The following PLCH1 variants were observed in gnomAD, a reference collection of about 807,000 sequenced individuals.
PLCH1 encodes phospholipase C eta 1.
Under a neutral mutation model 126.7 loss-of-function variants are expected in PLCH1, and 60 were observed. The ratio of observed to expected loss-of-function variants is 0.47; its 90% CI spans 0.38 to 0.59. PLCH1 has a LOEUF of 0.59. PLCH1 is among the 20% of genes least tolerant of loss of function. The probability of loss-of-function intolerance (pLI) is 0.00; values close to 1 mark genes in which losing one functional copy is unlikely to be tolerated. For missense variants in PLCH1, 1,723 were observed against 2,040.0 expected, an observed-to-expected ratio of 0.84 and a Z score of 2.99; for synonymous variants, 719 against 734.9, an observed-to-expected ratio of 0.98 and a Z score of 0.35.
At chr3:155,606,861 A>G (rs1734433633) in intron 2 of PLCH1, among the ~76,000 whole-genome samples, 1 of 152,206 alleles carries the variant, frequency 6.6e-6, no homozygotes, top group African/African-American at 2.4e-5. Flanking sequence ...TATAAATGGG[A>G]TCTTTAATCC....
intron 6 of PLCH1, among the ~76,000 whole-genome samples, chr3:155,582,075 C>CTTTTTTT (rs869254665): frequency 7.2e-4 from 46 of 64,096 alleles, no homozygotes; most frequent in Non-Finnish European, 7.9e-4. Context: ...TCTTTTCTTT[C>CTTTTTTT]TTTTTTTTTT....
intron 1 of PLCH1, among the ~76,000 whole-genome samples, chr3:155,715,430 G>A (rs1429464362): frequency 3.3e-5 from 5 of 151,532 alleles, no homozygotes; most frequent in African/African-American, 4.9e-5. Flanking sequence ...TCAGCCTCCC[G>A]AGTAGCTGGG....
At chr3:155,685,622 TAAC>T (rs1744875829) in intron 2 of PLCH1, among the ~76,000 whole-genome samples, 1 of 152,136 alleles carries the variant, frequency 6.6e-6, no homozygotes, top group African/African-American at 2.4e-5. Flanking sequence ...ACCAGTAACT[TAAC>T]AATCCAAGCC....
rs768506751 is a variant in PLCH1, at chr3:155,488,092, T to G, written c.2555A>C (p.Tyr852Ser). Reference protein sequence around the residue: ...SSLVPGYRHVYLEGLTEASIF... With the variant: ...SSLVPGYRHVSLEGLTEASIF... ...GGATGCTTCTGTCAGTCCTTCCAAA[T>G]AGACATGCCGGTAGCCTGATAAAAG... Residue 852 changes from tyrosine (Y) to serine (S), a missense_variant, in exon 21 of 23, where the codon TAT becomes TCT. Coordinates refer to ENST00000460012, the MANE Select transcript of PLCH1 (RefSeq NM_014996.4). The G allele has an allele frequency of 6.2e-7, 1 of 1,606,768 alleles. No homozygotes were observed. The highest frequency in any genetic ancestry group is 1.1e-5 in the South Asian group (1 of 90,922).
At chr3:155,487,909 T>TA (rs1715511225) in intron 21 of PLCH1, 119 bp downstream of exon 21, 1 of 659,330 alleles carries the variant, frequency 1.5e-6, no homozygotes, top group Middle Eastern at 4.0e-4. Context: ...TGGGCCTCCT[T>TA]AGAGTTTTTG....
At chr3:155,474,742 C>T (rs1299685261) in intron 21 of PLCH1, among the ~76,000 whole-genome samples, 2 of 115,312 alleles carry the variant, frequency 1.7e-5, no homozygotes, top group Non-Finnish European at 3.4e-5. Flanking sequence ...GAATACTATG[C>T]AGCCATAAAA....
At chr3:155,595,372 C>A (rs1732848881) in intron 3 of PLCH1, among the ~76,000 whole-genome samples, 1 of 152,200 alleles carries the variant, frequency 6.6e-6, no homozygotes, top group African/African-American at 2.4e-5. Flanking sequence ...TTTATATACA[C>A]CATCTACCCC....
At chr3:155,740,406 C>CA (rs60626575) in intron 1 of PLCH1, among the ~76,000 whole-genome samples, 4,451 of 101,938 alleles carry the variant, frequency 0.044, 86 homozygotes, top group Non-Finnish European at 0.055. Flanking sequence ...GACTCTGTCT[C>CA]AAAAAAAAAA....
intron 2 of PLCH1, among the ~76,000 whole-genome samples, chr3:155,627,484 A>G (rs1737454800): frequency 7.2e-6 from 1 of 138,332 alleles, no homozygotes; most frequent in East Asian, 2.3e-4. Context: ...CAAAAAAAAA[A>G]TTAGCCCGGC....
In PLCH1 at chr3:155,526,875, G is replaced by A. The variant is rs980625225; in HGVS notation, c.1363-2871C>T. Among the ~76,000 whole-genome samples the A allele has an allele frequency of 5.9e-5, 9 of 152,144 alleles. 1 individual carries two copies. The highest frequency in any genetic ancestry group is 1.0e-4 in the Non-Finnish European group (7 of 68,032). The stretch of plus-strand genomic sequence containing the variant: ...AACGTAAGCACCAACCAAAATCATG[G>A]GGCAGAACAAATCCACTGAAGATAC... On this transcript the variant is annotated intron_variant, in intron 10 of 22. Transcript: ENST00000460012.
intron 2 of PLCH1, chr3:155,676,183 G>C: frequency 7.6e-7 from 1 of 1,320,200 alleles, no homozygotes; most frequent in Non-Finnish European, 9.7e-7. Context: ...CTTGGCTCAT[G>C]CTGCCCTTTA....
intron 1 of PLCH1, among the ~76,000 whole-genome samples, chr3:155,704,714 C>T (rs1651220869): frequency 6.6e-6 from 1 of 152,160 alleles, no homozygotes; most frequent in African/African-American, 2.4e-5. Context: ...GTACAGCATC[C>T]ATGTGGCCAT....
chr3:155,484,454 G>T (rs1197894935), intron 22 of PLCH1, among the ~76,000 whole-genome samples: 1 of 152,116 alleles, frequency 6.6e-6, no homozygotes, highest in Non-Finnish European at 1.5e-5. Context: ...CAAGTAAAAT[G>T]GTGTTTGTGG....
At position 155,592,174 on chromosome 3, in the gene PLCH1, TAAAAAAAAA is replaced by T. The variant is rs11329108; in HGVS notation, c.470+1758_470+1766del. On this transcript the variant is annotated intron_variant, in intron 4 of 22. Transcript: ENST00000460012. The stretch of plus-strand genomic sequence containing the variant: ...TCTGGGAAGTTTTTCTTTTCTCTTT[TAAAAAAAAA>T]AAAAAAAAAAAAGATTCGTGGCCAA... Among the ~76,000 whole-genome samples, 299 of 129,308 alleles carry T rather than the reference TAAAAAAAAA, an allele frequency of 2.3e-3. 1 individual carries two copies. Among genetic ancestry groups the T allele is most frequent in the African/African-American group, 8.5e-3 (292 of 34,450 alleles). The allele number at this position is 129,308 out of a possible 152,430, so 84.8% of individuals were successfully genotyped here. A position where few individuals can be genotyped will look rare whatever the true frequency, so the allele number is the denominator to read the frequency against.
At chr3:155,524,422 A>T (rs1721631814) in intron 10 of PLCH1, among the ~76,000 whole-genome samples, 1 of 152,208 alleles carries the variant, frequency 6.6e-6, no homozygotes, top group Non-Finnish European at 1.5e-5. Context: ...AACACACTTT[A>T]AAAAGGGTTT....
At chr3:155,550,006 A>C in intron 9 of PLCH1, 48 bp from the exon 10 acceptor site, 285 of 1,420,316 alleles carry the variant, frequency 2.0e-4, no homozygotes, top group Middle Eastern at 5.4e-4. Flanking sequence ...CAGGCAACTC[A>C]CAGGGACTTT....
chr3:155,724,964 A>G (rs7619505), intron 1 of PLCH1, among the ~76,000 whole-genome samples: 61,866 of 151,888 alleles, frequency 0.41, 14,387 homozygotes, highest in African/African-American at 0.62. Context: ...CTTACTGTGC[A>G]GGCTTAGTAG....
At chr3:155,732,793 A>G (rs1748868593) in intron 1 of PLCH1, among the ~76,000 whole-genome samples, 2 of 149,670 alleles carry the variant, frequency 1.3e-5, no homozygotes, top group South Asian at 4.2e-4. Context: ...CAGGAGAATC[A>G]CTTGAATTCA....
At position 155,484,662 on chromosome 3, in the gene PLCH1, A is replaced by T. The variant is rs989420625; in HGVS notation, c.2974+694T>A. ...GGATGGGTTGGGAGTCACCAACATC[A>T]GTCAAAAATTCTCTGGCACACTGCA... On this transcript the variant is annotated intron_variant, in intron 22 of 22. Transcript: ENST00000460012. 5.9e-5 allele frequency among the ~76,000 whole-genome samples: 9 copies of T among 152,336 alleles called. No individual in the cohort carries two copies. In the East Asian group the frequency reaches 1.7e-3, roughly 29 times the overall value.
Sources: allele counts gnomAD v4.1 joint callset (sites outside exome capture counted in the v4.1 genomes callset), GRCh38; gene constraint gnomAD v4.1.1; transcripts MANE v1.5; gene names NCBI Gene and HGNC (gene_info 2026-07-23, HGNC 2026-07-21).